COG6: variants seen among roughly 807,000 people sequenced by gnomAD.
COG6 encodes conserved oligomeric Golgi complex subunit 6.
Under a neutral mutation model 88.8 loss-of-function variants are expected in COG6, and 74 were observed. The observed-to-expected ratio is 0.83, with a 90% CI of 0.69 to 1.01. The LOEUF (loss-of-function observed/expected upper bound fraction) is 1.01, where lower values mean the gene tolerates loss of function less well. Ranked by LOEUF, COG6 falls within the 50% of genes least tolerant of loss-of-function variation. The pLI is 0.00. For missense variants in COG6, 800 were observed against 797.9 expected (o/e 1.00, Z -0.03); for synonymous variants, 286 against 278.7 (o/e 1.03, Z -0.26).
In COG6 at chr13:39,681,493, TG is replaced by T. The variant is rs141347107; in HGVS notation, c.695-677del. ...TGTGGGCTCTGTCTTGTGGAGACTATGAAGTCATTTTAAGGTGTCTTCAATT... is the reference window on the plus strand; with the variant it reads ...TGTGGGCTCTGTCTTGTGGAGACTATAAGTCATTTTAAGGTGTCTTCAATT... On this transcript the variant is annotated intron_variant, in intron 7 of 18. Coordinates refer to ENST00000455146, the MANE Select transcript of COG6 (RefSeq NM_020751.3). Among the ~76,000 whole-genome samples the T allele has an allele frequency of 8.1e-3, 1,233 of 152,324 alleles. 19 individuals carry two copies. The highest frequency in any genetic ancestry group is 0.028 in the African/African-American group (1,168 of 41,562).
rs796426124 is a variant in COG6, at chr13:39,710,506, C to T, written c.1285-8730C>T. Among the ~76,000 whole-genome samples the T allele has an allele frequency of 1.1e-4, 16 of 152,084 alleles. 1 individual carries two copies. The highest frequency in any genetic ancestry group is 3.9e-4 in the African/African-American group (16 of 41,502). ...GGAAGAAAGGAGACCACTTAGGAGA[C>T]TCTTAGAGTAAGTAAACCTGGCAAA... On this transcript the variant is annotated intron_variant, in intron 13 of 18. Transcript: ENST00000455146.
chr13:39,700,915 T>C (rs1877540344), intron 13 of COG6, among the ~76,000 whole-genome samples: 1 of 151,710 alleles, frequency 6.6e-6, no homozygotes, highest in Non-Finnish European at 1.5e-5. Flanking sequence ...AGGAAAGGAG[T>C]GCATAGAGGT....
intron 8 of COG6, among the ~76,000 whole-genome samples, chr13:39,683,041 G>C (rs369375018): frequency 2.0e-4 from 30 of 152,132 alleles, no homozygotes; most frequent in East Asian, 1.4e-3. Flanking sequence ...TTTCTGATTG[G>C]AACACTACTT....
chr13:39,734,577 C>T (rs1879633360), intron 18 of COG6, among the ~76,000 whole-genome samples: 1 of 152,088 alleles, frequency 6.6e-6, no homozygotes, highest in Non-Finnish European at 1.5e-5. Context: ...ATTCTGCAGC[C>T]ATTGGATGAA....
At position 39,752,457 on chromosome 13, in the gene COG6, G is replaced by A. The variant is rs1476348959; in HGVS notation, c.*1364G>A. On this transcript the variant is annotated 3_prime_UTR_variant, in exon 19 of 19. Coordinates refer to ENST00000455146, the MANE Select transcript of COG6 (RefSeq NM_020751.3). ...TTAGTTTTTTCCCTTTGATTAGTAT[G>A]TGTTACATATAAAGACAGAAAATAA... is the stretch of plus-strand genomic sequence containing the variant. The A allele has an allele frequency of 4.7e-6, 5 of 1,072,952 alleles. No homozygotes were observed. In the Admixed American group the frequency reaches 8.8e-5, roughly 19 times the overall value. The allele number at this position is 1,072,952 out of a possible 1,614,324, so 66.5% of individuals were successfully genotyped here. A position where few individuals can be genotyped will look rare whatever the true frequency, so the allele number is the denominator to read the frequency against.
At chr13:39,729,489 A>G (rs1159501238) in intron 18 of COG6, among the ~76,000 whole-genome samples, 2 of 152,228 alleles carry the variant, frequency 1.3e-5, no homozygotes, top group African/African-American at 4.8e-5. Flanking sequence ...TGTTTGCAAA[A>G]TATGTAACAG....
chr13:39,739,823 A>G (rs1330339874), intron 18 of COG6, among the ~76,000 whole-genome samples: 1 of 152,172 alleles, frequency 6.6e-6, no homozygotes, highest in South Asian at 2.1e-4. Flanking sequence ...GAAAAGAATT[A>G]ATAAAACTTA....
chr13:39,776,118 G>GT (rs1881457059), intron 18 of COG6, among the ~76,000 whole-genome samples: 3 of 152,108 alleles, frequency 2.0e-5, no homozygotes, highest in Admixed American at 2.0e-4. Flanking sequence ...CTGGAAAAAC[G>GT]TAACTATATT....
intron 3 of COG6, among the ~76,000 whole-genome samples, chr13:39,663,278 A>G (rs922225277): frequency 2.0e-5 from 3 of 152,126 alleles, no homozygotes; most frequent in Non-Finnish European, 4.4e-5. Context: ...TTATTATATA[A>G]CATTGTGCTA....
At chr13:39,722,615 CA>C (rs1378059355) in intron 15 of COG6, among the ~76,000 whole-genome samples, 1 of 103,418 alleles carries the variant, frequency 9.7e-6, no homozygotes. Flanking sequence ...ATTGTACTGG[CA>C]CAAAAAAAAA....
At chr13:39,701,051 G>T (rs907157735) in intron 13 of COG6, among the ~76,000 whole-genome samples, 7 of 151,760 alleles carry the variant, frequency 4.6e-5, no homozygotes, top group Admixed American at 1.3e-4. Flanking sequence ...TAAGTGGGGA[G>T]GCTAGGTTGG....
At chr13:39,727,031 C>CT (rs1451245552) in intron 17 of COG6, among the ~76,000 whole-genome samples, 1 of 151,884 alleles carries the variant, frequency 6.6e-6, no homozygotes, top group African/African-American at 2.4e-5. Flanking sequence ...AGGGACTATC[C>CT]TTTTTTTGCT....
chr13:39,722,484 G>A (rs1332267474), intron 15 of COG6, among the ~76,000 whole-genome samples: 1 of 151,806 alleles, frequency 6.6e-6, no homozygotes, highest in Non-Finnish European at 1.5e-5. Flanking sequence ...TTGGAAAATG[G>A]CAATCATTTA....
At chr13:39,691,484 A>G (rs1315214195) in intron 11 of COG6, among the ~76,000 whole-genome samples, 1 of 151,974 alleles carries the variant, frequency 6.6e-6, no homozygotes, top group East Asian at 1.9e-4. Context: ...TAAAATGAAG[A>G]AAAATTCCTT....
rs74842409 is a variant in COG6 at position 39,682,115 on chromosome 13, C to T, written c.695-56C>T. The T allele has an allele frequency of 0.078, 95,912 of 1,223,750 alleles. 4,455 individuals carry two copies. The highest frequency in any genetic ancestry group is 0.095 in the Non-Finnish European group (78,459 of 827,410). The allele number at this position is 1,223,750 out of a possible 1,614,324, so 75.8% of individuals were successfully genotyped here. On this transcript the variant is annotated intron_variant, in intron 7 of 18. Transcript: ENST00000455146. Reference sequence around the variant, plus strand: ...ATTTAGACTCCTGGAATGCAACAGACATAATAAACATCTAAGCTGAATTTA... The same window carrying T: ...ATTTAGACTCCTGGAATGCAACAGATATAATAAACATCTAAGCTGAATTTA...
At chr13:39,700,022 G>T (rs572526172) in intron 13 of COG6, among the ~76,000 whole-genome samples, 1 of 151,714 alleles carries the variant, frequency 6.6e-6, no homozygotes, top group South Asian at 2.1e-4. Context: ...CTTATGAAAT[G>T]TATGCTCCTC....
At chr13:39,700,206 A>G (rs952124545) in intron 13 of COG6, among the ~76,000 whole-genome samples, 1 of 151,852 alleles carries the variant, frequency 6.6e-6, no homozygotes, top group African/African-American at 2.4e-5. Context: ...TTTTTGTTTC[A>G]TTATTGAGAA....
At position 39,719,459 on chromosome 13, in the gene COG6, A is replaced by G. The variant is rs1407898622; in HGVS notation, c.1416+92A>G. On this transcript the variant is annotated intron_variant, in intron 14 of 18. Coordinates refer to ENST00000455146, the MANE Select transcript of COG6 (RefSeq NM_020751.3). ...GGAATTTTGTAATTCATATACTTTGACAGTCTCTTTCTTACTGTTAATTTT... is the reference window on the plus strand; with the variant it reads ...GGAATTTTGTAATTCATATACTTTGGCAGTCTCTTTCTTACTGTTAATTTT... 5 of 1,324,114 alleles carry G rather than the reference A, an allele frequency of 3.8e-6. No individual in the cohort carries two copies. In the African/African-American group the frequency reaches 5.8e-5, roughly 15 times the overall value. 82.0% of individuals were successfully genotyped at this position (1,324,114 alleles called of 1,614,324 possible).
At chr13:39,719,056 T>C (rs1421052553) in intron 13 of COG6, among the ~76,000 whole-genome samples, 180 bp from the exon 14 acceptor site, 1 of 152,168 alleles carries the variant, frequency 6.6e-6, no homozygotes. Flanking sequence ...ACAAAGAACT[T>C]TTCTCTCACT....
Sources: allele counts gnomAD v4.1 joint callset (sites outside exome capture counted in the v4.1 genomes callset), GRCh38; gene constraint gnomAD v4.1.1; transcripts MANE v1.5; gene names NCBI Gene and HGNC (gene_info 2026-07-23, HGNC 2026-07-21).